Variants in FUT8 observed in about 807,000 individuals in gnomAD.
FUT8 encodes fucosyltransferase 8.
In FUT8, 29 loss-of-function variants were observed where a neutral mutation model predicts 71.3. The ratio of observed to expected loss-of-function variants is 0.41; its 90% CI spans 0.30 to 0.55. The LOEUF (loss-of-function observed/expected upper bound fraction) is 0.55. Among genes scored for constraint, FUT8 ranks in the 20% least tolerant of loss-of-function variants. The probability of loss-of-function intolerance (pLI) is 0.34; values close to 1 mark genes in which losing one functional copy is unlikely to be tolerated. For synonymous variants in FUT8, 254 were observed against 239.3 expected (o/e 1.06, Z -0.57); for missense variants, 544 against 702.1 (o/e 0.77, Z 2.55).
At chr14:65,469,932 A>G (rs2066111667) in intron 2 of FUT8, among the ~76,000 whole-genome samples, 1 of 152,202 alleles carries the variant, frequency 6.6e-6, no homozygotes, top group South Asian at 2.1e-4. Flanking sequence ...CGGGACTGGC[A>G]GCCCGGTCCC....
chr14:65,393,574 T>G, the FUT8 span, among the ~76,000 whole-genome samples: 3 of 152,130 alleles, frequency 2.0e-5, no homozygotes, highest in Non-Finnish European at 4.4e-5. Flanking sequence ...TGTTAAAGAT[T>G]TGAGTGTTAA....
intron 10 of FUT8, among the ~76,000 whole-genome samples, chr14:65,740,516 G>T (rs138888798): frequency 6.6e-6 from 1 of 152,066 alleles, no homozygotes; most frequent in African/African-American, 2.4e-5. Context: ...AAATACCTGA[G>T]ACTGGGCAAT....
At chr14:65,439,987 T>TATATATATATATATACAC (rs1358951833) in intron 1 of FUT8, among the ~76,000 whole-genome samples, 14 of 138,080 alleles carry the variant, frequency 1.0e-4, no homozygotes, top group African/African-American at 3.7e-4. Context: ...TATATATATA[T>TATATATATATATATACAC]ATATGTACAC....
upstream of FUT8, chr14:65,412,006 C>G (rs1232796823): frequency 2.2e-6 from 1 of 456,562 alleles, no homozygotes; most frequent in Admixed American, 2.3e-5. Context: ...AGGACGCATC[C>G]TAGGGCAAAG....
At chr14:65,580,064 T>C in intron 3 of FUT8, among the ~76,000 whole-genome samples, 1 of 67,176 alleles carries the variant, frequency 1.5e-5, no homozygotes, top group South Asian at 6.5e-4. Flanking sequence ...CTGATAGTGC[T>C]ATATTTTATA....
chr14:65,661,963 T>G (rs1044000977), intron 6 of FUT8, among the ~76,000 whole-genome samples: 1 of 152,240 alleles, frequency 6.6e-6, no homozygotes, highest in Non-Finnish European at 1.5e-5. Flanking sequence ...GCTGCTTTCC[T>G]TCAAATACCA....
chr14:65,650,707 C>CAAAAAAAAAAAAAAA (rs57971519), intron 6 of FUT8, among the ~76,000 whole-genome samples: 20 of 118,968 alleles, frequency 1.7e-4, no homozygotes, highest in African/African-American at 5.4e-4. Flanking sequence ...CTGCTAATTA[C>CAAAAAAAAAAAAAAA]AAAAAAAAAA....
intron 7 of FUT8, among the ~76,000 whole-genome samples, chr14:65,696,244 A>G (rs1168620489): frequency 6.6e-6 from 1 of 152,202 alleles, no homozygotes; most frequent in Non-Finnish European, 1.5e-5. Context: ...CTCTGAAGCT[A>G]GCAACAAATT....
At chr14:65,556,722 T>G (rs1484791361) in intron 2 of FUT8, among the ~76,000 whole-genome samples, 1 of 152,220 alleles carries the variant, frequency 6.6e-6, no homozygotes, top group Non-Finnish European at 1.5e-5. Context: ...TACAACAGCA[T>G]GTGGCATATT....
chr14:65,608,653 A>G (rs1888715514), intron 3 of FUT8, among the ~76,000 whole-genome samples: 1 of 151,986 alleles, frequency 6.6e-6, no homozygotes, highest in African/African-American at 2.4e-5. Context: ...ATCAAATCTC[A>G]GAAAAACTTA....
At chr14:65,644,505 G>T (rs1041918786) in intron 6 of FUT8, among the ~76,000 whole-genome samples, 1 of 151,932 alleles carries the variant, frequency 6.6e-6, no homozygotes. Flanking sequence ...TTCTGCAGGC[G>T]CCCATCACCA....
chr14:65,411,301 G>A (rs2065120893), upstream of FUT8: 1 of 152,162 alleles, frequency 6.6e-6, no homozygotes, highest in Non-Finnish European at 1.5e-5. Context: ...TTTTCTCACA[G>A]GGAGATAATC....
intron 9 of FUT8, among the ~76,000 whole-genome samples, chr14:65,729,526 CTTTT>C (rs67348217): frequency 7.0e-6 from 1 of 142,180 alleles, no homozygotes; most frequent in Non-Finnish European, 1.5e-5. Context: ...AGGATATAAA[CTTTT>C]TTTTTTTTTT....
intron 2 of FUT8, among the ~76,000 whole-genome samples, chr14:65,554,556 C>CT (rs1356885706): frequency 6.6e-6 from 1 of 151,786 alleles, no homozygotes; most frequent in Non-Finnish European, 1.5e-5. Flanking sequence ...AACGGGTACC[C>CT]TTCTTCTTTG....
intron 6 of FUT8, among the ~76,000 whole-genome samples, chr14:65,650,850 AG>A (rs554613464): frequency 5.9e-5 from 9 of 152,086 alleles, no homozygotes; most frequent in South Asian, 2.1e-4. Context: ...GTGGACAGAG[AG>A]GGGGGAAAAA....
intron 2 of FUT8, among the ~76,000 whole-genome samples, chr14:65,538,610 C>CTGA (rs1884486183): frequency 6.6e-6 from 1 of 152,028 alleles, no homozygotes; most frequent in South Asian, 2.1e-4. Flanking sequence ...GAAGTCGCTA[C>CTGA]TGATATCTTT....
the FUT8 span, among the ~76,000 whole-genome samples, chr14:65,363,013 C>A: frequency 3.1e-4 from 2 of 6,512 alleles, no homozygotes. Context: ...ATAAATGAGA[C>A]TCAAAAAAAA....
chr14:65,510,222 A>C (rs1317318522), intron 2 of FUT8, among the ~76,000 whole-genome samples: 1 of 151,966 alleles, frequency 6.6e-6, no homozygotes, highest in Admixed American at 6.6e-5. Flanking sequence ...TGTTGATACG[A>C]TATATGGTGA....
intron 1 of FUT8, among the ~76,000 whole-genome samples, chr14:65,439,954 G>GTGTACGTATACA: frequency 1.3e-5 from 1 of 74,984 alleles, no homozygotes; most frequent in East Asian, 6.1e-4. Flanking sequence ...GTGTGTGTGT[G>GTGTACGTATACA]TATATATATA....
Sources: allele counts gnomAD v4.1 joint callset (sites outside exome capture counted in the v4.1 genomes callset), GRCh38; gene constraint gnomAD v4.1.1; transcripts MANE v1.5; gene names NCBI Gene and HGNC (gene_info 2026-07-23, HGNC 2026-07-21).